The following COL4A6 variants were observed in gnomAD, a reference collection of about 807,000 sequenced individuals.
COL4A6 encodes the protein collagen alpha-6(IV) chain.
In COL4A6, 59 loss-of-function variants were observed where a neutral mutation model predicts 126.7. The observed-to-expected ratio is 0.47, with a 90% confidence interval of 0.38 to 0.58. COL4A6 has a LOEUF of 0.58. COL4A6 is among the 20% of genes least tolerant of loss of function. The pLI, the probability that COL4A6 is intolerant of heterozygous loss-of-function variation, is 0.00. For missense variants in COL4A6, 1,285 were observed against 1,337.3 expected (o/e 0.96, Z 0.61); for synonymous variants, 547 against 496.6 (o/e 1.10, Z -1.35).
chrX:108,178,707 G>A lies in COL4A6; in HGVS notation c.2492C>T (p.Ala831Val). The part of the protein sequence containing the change: ...GIKGKSGLPG[A>V]PGFPGISGHP... ...ACCTGAGATGCCTGGGAAGCCTGGT[G>A]CTCCTGGGAGCCCAGATTTGCCCTT... is the stretch of plus-strand genomic sequence containing the variant. Residue 831 changes from alanine to valine, a missense_variant, in exon 27 of 45, where the codon GCA becomes GTA. Transcript: ENST00000334504. The A allele has an allele frequency of 8.3e-7, 1 of 1,211,365 alleles. No individual in the cohort carries two copies. The highest frequency in any genetic ancestry group is 1.1e-6 in the Non-Finnish European group (1 of 895,324).
chrX:108,317,694 C>T (rs905026941), intron 2 of COL4A6, among the ~76,000 whole-genome samples: 19 of 111,281 alleles, frequency 1.7e-4, no homozygotes, highest in Non-Finnish European at 1.9e-5. Flanking sequence ...AATCCTTTCC[C>T]CATTGCTTGT....
At chrX:108,355,958 C>A (rs2039949894) in intron 2 of COL4A6, among the ~76,000 whole-genome samples, 1 of 111,094 alleles carries the variant, frequency 9.0e-6, no homozygotes, top group African/African-American at 3.3e-5. Context: ...CAAAGAGAAG[C>A]TAAAAAACAC....
chrX:108,196,355 C>T (rs1245803797), intron 14 of COL4A6, among the ~76,000 whole-genome samples, 156 bp downstream of exon 14: 5 of 110,941 alleles, frequency 4.5e-5, no homozygotes, highest in Non-Finnish European at 9.4e-5. Flanking sequence ...GGGAATGGGG[C>T]TAAGAGAGAA....
At chrX:108,231,011 T>C (rs1448805716) in intron 3 of COL4A6, among the ~76,000 whole-genome samples, 1 of 111,633 alleles carries the variant, frequency 9.0e-6, no homozygotes, top group Non-Finnish European at 1.9e-5. Flanking sequence ...CCCAAGAAGT[T>C]TTGGATCAGC....
At chrX:108,247,165 A>G (rs901124471) in intron 3 of COL4A6, among the ~76,000 whole-genome samples, 1 of 110,606 alleles carries the variant, frequency 9.0e-6, no homozygotes, top group Non-Finnish European at 1.9e-5. Context: ...GCTCACAGGC[A>G]TAGATTCTGG....
rs754963967 is a variant in COL4A6, at chrX:108,206,523, A to G, written c.604T>C (p.Leu202=). ...TAGGCTTAAATTGATCTTACTTGTA[A>G]TCCTGGTGGTCCTGCAGGTCCTACA... ...GAVGPAGPPG[L]QGPPGPPGPL... is the part of the protein sequence containing the mutation. The change falls in exon 9 of 45, where the codon TTA becomes CTA. Residue 202 remains leucine (L), a synonymous_variant. Coordinates refer to ENST00000334504, the MANE Select transcript of COL4A6 (RefSeq NM_033641.4). 4.6e-5 allele frequency: 55 copies of G among 1,207,856 alleles called. No homozygotes were observed. In the South Asian group the frequency reaches 8.1e-4, roughly 18 times the overall value.
intron 40 of COL4A6, among the ~76,000 whole-genome samples, chrX:108,163,926 G>A (rs1045874357): frequency 6.2e-5 from 7 of 112,380 alleles, no homozygotes; most frequent in African/African-American, 2.3e-4. Flanking sequence ...AACTGAAAGA[G>A]GCCAGTATGG....
At chrX:108,309,733 A>T (rs1415082845) in intron 3 of COL4A6, among the ~76,000 whole-genome samples, 1 of 107,135 alleles carries the variant, frequency 9.3e-6, no homozygotes, top group African/African-American at 3.4e-5. Context: ...TTTGAGTGTG[A>T]TGAGAGTGTA....
chrX:108,165,507 G>T (rs750984373), intron 37 of COL4A6, 21 bp from the exon 38 acceptor site: 42 of 1,039,918 alleles, frequency 4.0e-5, no homozygotes, highest in Non-Finnish European at 5.5e-5. Context: ...TAAATAAAAG[G>T]GGCTGGATAG....
At chrX:108,183,688 T>C in intron 23 of COL4A6, 1 of 903,656 alleles carries the variant, frequency 1.1e-6, no homozygotes, top group Non-Finnish European at 1.4e-6. Context: ...CTAAGACTAG[T>C]GTCTGAGAGC....
chrX:108,383,610 A>ATG, intron 2 of COL4A6: 1 of 532,112 alleles, frequency 1.9e-6, no homozygotes. Flanking sequence ...CAGCTGAAGG[A>ATG]TGCCCCAAAA....
chrX:108,174,991 T>TG, intron 30 of COL4A6, 99 bp downstream of exon 30: 1 of 1,031,356 alleles, frequency 9.7e-7, no homozygotes, highest in Non-Finnish European at 1.3e-6. Flanking sequence ...AGGTTGGCGA[T>TG]GGGGGGCTGT....
chrX:108,246,175 G>C (rs757784402), intron 3 of COL4A6, among the ~76,000 whole-genome samples: 1 of 111,875 alleles, frequency 8.9e-6, no homozygotes, highest in African/African-American at 3.3e-5. Flanking sequence ...CTTACTATCT[G>C]TGTGATCTTG....
chrX:108,170,620 A>G lies in COL4A6; in HGVS notation c.3482T>C (p.Ile1161Thr). 8.3e-7 allele frequency: 1 copy of G among 1,202,448 alleles called. No individual in the cohort carries two copies. The change falls in exon 35 of 45, where the codon ATA becomes ACA. Residue 1161 changes from isoleucine to threonine, a missense_variant. Transcript: ENST00000334504. ...AIGPLGSPGL[I>T]GPKGFPGFPG... is the part of the protein sequence containing the mutation. ...CCAAATACACATACCTTTGGGTCCTATTAATCCGGGGGATCCTAGAGGCCC... is the reference window on the plus strand; with the variant it reads ...CCAAATACACATACCTTTGGGTCCTGTTAATCCGGGGGATCCTAGAGGCCC...
chrX:108,355,301 C>G (rs1206187937), intron 2 of COL4A6, among the ~76,000 whole-genome samples: 1 of 112,246 alleles, frequency 8.9e-6, no homozygotes, highest in Non-Finnish European at 1.9e-5. Context: ...CAAAAATGTA[C>G]AAGAAGTTTC....
chrX:108,261,698 C>A (rs188172764), intron 3 of COL4A6, among the ~76,000 whole-genome samples: 2 of 111,572 alleles, frequency 1.8e-5, no homozygotes, highest in Admixed American at 1.9e-4. Context: ...GAGAAAATAT[C>A]AGGAGGACAC....
chrX:108,321,991 T>C (rs1291066517), intron 2 of COL4A6, among the ~76,000 whole-genome samples: 1 of 111,537 alleles, frequency 9.0e-6, no homozygotes, highest in East Asian at 2.8e-4. Context: ...GGGAGCAGCA[T>C]AAATTCAGAC....
At chrX:108,311,939 C>T (rs770054861) in intron 2 of COL4A6, among the ~76,000 whole-genome samples, 12 of 111,872 alleles carry the variant, frequency 1.1e-4, no homozygotes, top group Non-Finnish European at 2.1e-4. Context: ...AAAGTCTTGA[C>T]CTTAACCCTT....
intron 2 of COL4A6, among the ~76,000 whole-genome samples, chrX:108,323,659 G>A (rs779059939): frequency 3.6e-5 from 4 of 111,483 alleles, no homozygotes; most frequent in Admixed American, 9.5e-5. Context: ...AGTCACATCC[G>A]TTCTTTTTCC....
Sources: gnomAD v4.1 joint callset for allele counts (sites outside exome capture counted in the v4.1 genomes callset) on GRCh38, gnomAD v4.1.1 for gene constraint, MANE v1.5 for transcripts, NCBI Gene and HGNC (gene_info 2026-07-23, HGNC 2026-07-21) for gene names.